Variants in ZNF423 observed in about 807,000 individuals in gnomAD.
The protein encoded by ZNF423 is zinc finger protein 423.
A neutral mutation model predicts 95.8 loss-of-function variants in ZNF423; 12 were observed. The observed-to-expected ratio is 0.13, with a 90% CI of 0.08 to 0.20. The LOEUF (loss-of-function observed/expected upper bound fraction) is 0.20, where lower values mean the gene tolerates loss of function less well. Among genes scored for constraint, ZNF423 ranks in the 10% least tolerant of loss-of-function variants. The pLI is 1.00. For synonymous variants in ZNF423, 749 were observed against 711.9 expected (o/e 1.05, Z -0.83); for missense variants, 1,316 against 1,737.1 (o/e 0.76, Z 4.31).
chr16:49,521,750 C>T (rs1027340247), intron 7 of ZNF423, among the ~76,000 whole-genome samples: 2 of 152,220 alleles, frequency 1.3e-5, no homozygotes, highest in African/African-American at 4.8e-5. Flanking sequence ...ACAGGCTTTC[C>T]ACCACACCAG....
chr16:49,810,066 A>G (rs1468053154), intron 1 of ZNF423, among the ~76,000 whole-genome samples: 1 of 152,032 alleles, frequency 6.6e-6, no homozygotes, highest in African/African-American at 2.4e-5. Flanking sequence ...GGATATGCAC[A>G]CTGAAGGCTT....
intron 1 of ZNF423, among the ~76,000 whole-genome samples, chr16:49,813,600 G>A (rs1171524365): frequency 2.6e-5 from 4 of 152,186 alleles, no homozygotes; most frequent in Non-Finnish European, 4.4e-5. Flanking sequence ...GGCAGTTCCC[G>A]GAAGAGAACA....
rs1348204595 is a variant in ZNF423 at position 49,855,775 on chromosome 16, G to A, written c.-1C>T. ...GCTTCGCCTGCTTCCGCCTGGACAT[G>A]TCCGGGGCTCCGGGCGCTCCGTCGC... On this transcript the variant is annotated 5_prime_UTR_variant, in exon 1 of 8. Coordinates refer to ENST00000563137, the MANE Select transcript of ZNF423 (RefSeq NM_001379286.1). The surrounding 1 kb of genome is among the most constrained non-coding windows in gnomAD (Gnocchi z 4.7). 6.6e-6 allele frequency: 1 copy of A among 152,174 alleles called. No individual in the cohort carries two copies. The highest frequency in any genetic ancestry group is 1.5e-5 in the Non-Finnish European group (1 of 68,332). The allele number at this position is 152,174 out of a possible 1,614,324, so 9.4% of individuals were successfully genotyped here. A position where few individuals can be genotyped will look rare whatever the true frequency, so the allele number is the denominator to read the frequency against.
At position 49,635,362 on chromosome 16, in the gene ZNF423, C is replaced by T. The variant is rs1972648460; in HGVS notation, c.3516+298G>A. On this transcript the variant is annotated intron_variant, in intron 4 of 7. Transcript: ENST00000563137. This position sits in a 1 kb window ranked among gnomAD's most constrained non-coding sequence, Gnocchi z 4.8. ...GCCAGGCACATTACCTGTATGATGTCCTCGGCCTCTTACAACAATTCTCTG... is the reference window on the plus strand; with the variant it reads ...GCCAGGCACATTACCTGTATGATGTTCTCGGCCTCTTACAACAATTCTCTG... Among the ~76,000 whole-genome samples, 2 of 152,252 alleles carry T rather than the reference C, an allele frequency of 1.3e-5. No individual in the cohort carries two copies. The highest frequency in any genetic ancestry group is 2.9e-5 in the Non-Finnish European group (2 of 68,046).
chr16:49,723,899 C>T (rs1255662356), intron 3 of ZNF423, among the ~76,000 whole-genome samples: 2 of 152,220 alleles, frequency 1.3e-5, no homozygotes, highest in East Asian at 3.9e-4. Flanking sequence ...TTCTGTTTCA[C>T]ACCACTTCGA....
intron 1 of ZNF423, among the ~76,000 whole-genome samples, chr16:49,802,111 G>A (rs2034591861): frequency 6.6e-6 from 1 of 152,152 alleles, no homozygotes; most frequent in Admixed American, 6.5e-5. Flanking sequence ...GCCTCCCAAA[G>A]TGCTGGGATT....
chr16:49,639,394 T>C (rs947190598), intron 3 of ZNF423, among the ~76,000 whole-genome samples: 6 of 152,180 alleles, frequency 3.9e-5, no homozygotes, highest in East Asian at 1.9e-4. Context: ...AGATTGGCCA[T>C]AGAATGCACC....
chr16:49,678,330 C>T (rs66919247), intron 3 of ZNF423, among the ~76,000 whole-genome samples: 6 of 25,814 alleles, frequency 2.3e-4, no homozygotes, highest in South Asian at 2.0e-3. Context: ...TTTTGTTTTG[C>T]TTAAGGGGCA....
intron 5 of ZNF423, among the ~76,000 whole-genome samples, chr16:49,557,184 A>C (rs1056765083): frequency 2.8e-4 from 42 of 152,190 alleles, no homozygotes; most frequent in African/African-American, 9.4e-4. Flanking sequence ...GGGCTGTTCT[A>C]ATCTTACCAA....
At chr16:49,716,574 TTC>T (rs1305866922) in intron 3 of ZNF423, among the ~76,000 whole-genome samples, 1 of 152,260 alleles carries the variant, frequency 6.6e-6, no homozygotes, top group South Asian at 2.1e-4. Context: ...TGTACATTTT[TTC>T]TCTGAGTTGG....
At chr16:49,845,406 T>C (rs76432980) in intron 1 of ZNF423, among the ~76,000 whole-genome samples, 1 of 144,810 alleles carries the variant, frequency 6.9e-6, no homozygotes, top group Non-Finnish European at 1.5e-5. Flanking sequence ...CGCCCAGCAA[T>C]TTTTTTTTTT....
intron 2 of ZNF423, among the ~76,000 whole-genome samples, chr16:49,773,973 G>A (rs2034078663): frequency 6.6e-6 from 1 of 152,172 alleles, no homozygotes; most frequent in African/African-American, 2.4e-5. Flanking sequence ...AGCATGCAAG[G>A]AATGCCAGCA....
At chr16:49,803,513 C>T (rs755364577) in intron 1 of ZNF423, among the ~76,000 whole-genome samples, 1 of 152,074 alleles carries the variant, frequency 6.6e-6, no homozygotes, top group Non-Finnish European at 1.5e-5. Flanking sequence ...GGATACACTA[C>T]CAGGAGGCAT....
At chr16:49,668,040 T>C (rs952244007) in intron 3 of ZNF423, among the ~76,000 whole-genome samples, 2 of 152,108 alleles carry the variant, frequency 1.3e-5, no homozygotes, top group African/African-American at 2.4e-5. Flanking sequence ...CAACCTGTTC[T>C]CCCAACTACA....
At chr16:49,700,831 G>C (rs568210642) in intron 3 of ZNF423, among the ~76,000 whole-genome samples, 15 of 152,232 alleles carry the variant, frequency 9.9e-5, no homozygotes, top group East Asian at 1.9e-4. Context: ...TCTCACCAAG[G>C]GGGGAAAATG....
chr16:49,810,735 A>G (rs1008436640), intron 1 of ZNF423, among the ~76,000 whole-genome samples: 2 of 152,258 alleles, frequency 1.3e-5, no homozygotes, highest in Admixed American at 1.3e-4. Flanking sequence ...AGGGAAAAAT[A>G]AAACCACCTA....
At position 49,528,647 on chromosome 16, in the gene ZNF423, C is replaced by A. The variant is rs369308535; in HGVS notation, c.3602-3153G>T. ...GACTCGCTCCCACTCAAGGCAAGACCTTTTGATTTGCAAATCTTTCTGAAG... is the reference window on the plus strand; with the variant it reads ...GACTCGCTCCCACTCAAGGCAAGACATTTTGATTTGCAAATCTTTCTGAAG... On this transcript the variant is annotated intron_variant, in intron 5 of 7. Coordinates refer to ENST00000563137, the MANE Select transcript of ZNF423 (RefSeq NM_001379286.1). Among the ~76,000 whole-genome samples the A allele has an allele frequency of 5.2e-3, 799 of 152,286 alleles. 5 individuals are homozygous for A. Among genetic ancestry groups the A allele is most frequent in the Non-Finnish European group, 8.9e-3 (606 of 68,028 alleles).
chr16:49,801,572 CT>C (rs1567349679), intron 1 of ZNF423, among the ~76,000 whole-genome samples: 1 of 152,152 alleles, frequency 6.6e-6, no homozygotes, highest in African/African-American at 2.4e-5. Context: ...CAAAGTAATT[CT>C]CAGAATATAG....
intron 3 of ZNF423, among the ~76,000 whole-genome samples, chr16:49,698,216 GTCTCTAA>G (rs2032046314): frequency 6.6e-6 from 1 of 151,932 alleles, no homozygotes; most frequent in South Asian, 2.1e-4. Context: ...TTTAAACCAG[GTCTCTAA>G]TTGTGTCTTT....
Sources: allele counts gnomAD v4.1 joint callset (sites outside exome capture counted in the v4.1 genomes callset), GRCh38; gene constraint gnomAD v4.1.1; non-coding constraint Gnocchi (gnomAD v3.1); transcripts MANE v1.5; gene names NCBI Gene and HGNC (gene_info 2026-07-23, HGNC 2026-07-21).